The following TULP4 variants were observed in gnomAD, a reference collection of about 807,000 sequenced individuals.
TULP4 encodes the protein tubby-related protein 4.
Under a neutral mutation model 129.0 loss-of-function variants are expected in TULP4, and 16 were observed. That is an observed-to-expected ratio of 0.12 (90% CI 0.08 to 0.19). TULP4 has a LOEUF of 0.19. TULP4 is among the 10% of genes least tolerant of loss of function. The pLI, the probability that TULP4 is intolerant of heterozygous loss-of-function variation, is 1.00. For missense variants in TULP4, 1,842 were observed against 2,059.1 expected (o/e 0.89, Z 2.04); for synonymous variants, 998 against 854.0 (o/e 1.17, Z -2.94).
At chr6:158,325,349 G>A (rs1358852330) in intron 1 of TULP4, among the ~76,000 whole-genome samples, 1 of 90,608 alleles carries the variant, frequency 1.1e-5, no homozygotes, top group African/African-American at 3.8e-5. Flanking sequence ...TTGAGGAACA[G>A]CTTTTCTTTT....
At position 158,413,223 on chromosome 6, in the gene TULP4, A is replaced by C. The variant is rs1207269405; in HGVS notation, c.381+30A>C. 2 of 1,597,428 alleles carry C rather than the reference A, an allele frequency of 1.3e-6. No individual in the cohort carries two copies. The highest frequency in any genetic ancestry group is 2.7e-5 in the African/African-American group (2 of 74,674). Reference sequence around the variant, plus strand: ...GTGGCAGGCGCAGCTCTGCCAGTGAAGGGCTGCGGGGTAGAGGACTCCCAG... The same window carrying C: ...GTGGCAGGCGCAGCTCTGCCAGTGACGGGCTGCGGGGTAGAGGACTCCCAG... On this transcript the variant is annotated intron_variant, in intron 2 of 13. Transcript: ENST00000367097. The surrounding 1 kb of genome is among the most constrained non-coding windows in gnomAD (Gnocchi z 4.9).
At chr6:158,308,386 T>G (rs548168228), upstream of TULP4, among the ~76,000 whole-genome samples, 3 of 151,132 alleles carry the variant, frequency 2.0e-5, no homozygotes, top group East Asian at 2.0e-4. Context: ...AATGAAAAGT[T>G]TCCCATGTCT....
chr6:158,445,572 G>A (rs1779016874), intron 3 of TULP4, among the ~76,000 whole-genome samples: 3 of 152,182 alleles, frequency 2.0e-5, no homozygotes, highest in Admixed American at 2.0e-4. Flanking sequence ...CCAGAACCAA[G>A]TTCAGAATGC....
intron 1 of TULP4, among the ~76,000 whole-genome samples, chr6:158,359,834 A>G (rs569454922): frequency 6.6e-6 from 1 of 152,342 alleles, no homozygotes; most frequent in African/African-American, 2.4e-5. Flanking sequence ...TTCCCAGTTG[A>G]ATAGGCCTTG....
At chr6:158,488,688 A>G (rs1780123434) in intron 8 of TULP4, among the ~76,000 whole-genome samples, 1 of 152,102 alleles carries the variant, frequency 6.6e-6, no homozygotes, top group Admixed American at 6.6e-5. Context: ...GCTTTTATTT[A>G]TTACCTGGCA....
rs541593412 is a variant in TULP4, at chr6:158,444,137, A to G, written c.544-4859A>G. On this transcript the variant is annotated intron_variant, in intron 3 of 13. Transcript: ENST00000367097. ...CGGGAGGCTGAGGCAGGAGAATGGC[A>G]TGAACCTGGGAGGCAGAGGTTGCAG... 9.4e-4 allele frequency among the ~76,000 whole-genome samples: 128 copies of G among 136,078 alleles called. 2 individuals are homozygous for G. The South Asian group carries it at 0.015, about 16-fold the overall frequency. The allele number at this position is 136,078 out of a possible 152,430, so 89.3% of individuals were successfully genotyped here.
chr6:158,495,707 G>A (rs1780321534), intron 11 of TULP4, among the ~76,000 whole-genome samples: 1 of 152,090 alleles, frequency 6.6e-6, no homozygotes, highest in Admixed American at 6.5e-5. Context: ...TGGCATGGTG[G>A]TGCCTGCCTG....
At chr6:158,379,347 C>G (rs1777272210) in intron 1 of TULP4, among the ~76,000 whole-genome samples, 1 of 152,036 alleles carries the variant, frequency 6.6e-6, no homozygotes, top group Non-Finnish European at 1.5e-5. Flanking sequence ...TGAGGTAGGG[C>G]CAGTGAGGAT....
chr6:158,382,207 G>A (rs1365808162), intron 1 of TULP4, among the ~76,000 whole-genome samples: 9 of 152,244 alleles, frequency 5.9e-5, no homozygotes, highest in South Asian at 2.1e-4. Flanking sequence ...GCATCTGACT[G>A]ACCGACTGCT....
chr6:158,506,405 G>A (rs1024952380), intron 13 of TULP4, among the ~76,000 whole-genome samples, 173 bp from the exon 14 acceptor site: 2 of 151,702 alleles, frequency 1.3e-5, no homozygotes, highest in African/African-American at 4.8e-5. Flanking sequence ...CTAATTTTTT[G>A]TATTTTTAAT....
At chr6:158,464,097 C>A (rs1432225757) in intron 6 of TULP4, among the ~76,000 whole-genome samples, 1 of 152,176 alleles carries the variant, frequency 6.6e-6, no homozygotes, top group East Asian at 1.9e-4. Context: ...AAACCAAATT[C>A]TGTACAATAT....
At chr6:158,318,397 G>A (rs73015815) in intron 1 of TULP4, among the ~76,000 whole-genome samples, 5 of 152,226 alleles carry the variant, frequency 3.3e-5, no homozygotes, top group South Asian at 2.1e-4. Flanking sequence ...TGGGACTGTC[G>A]GTGTTAATAC....
intron 5 of TULP4, among the ~76,000 whole-genome samples, chr6:158,461,342 C>T (rs62438589): frequency 2.0e-5 from 3 of 149,092 alleles, no homozygotes; most frequent in African/African-American, 7.4e-5. Context: ...ACCCAGGAGG[C>T]GGAGGTTGCA....
intron 2 of TULP4, 69 bp from the exon 3 acceptor site, chr6:158,429,667 G>A: frequency 3.3e-6 from 5 of 1,525,760 alleles, no homozygotes; most frequent in Non-Finnish European, 4.5e-6. Flanking sequence ...TAATGACTAT[G>A]TCTAGACTTT....
intron 1 of TULP4, among the ~76,000 whole-genome samples, chr6:158,320,244 C>A (rs2128486310): frequency 6.6e-6 from 1 of 152,140 alleles, no homozygotes; most frequent in East Asian, 1.9e-4. Context: ...ATGAGTTTTT[C>A]TTTTAAAAGA....
intron 1 of TULP4, among the ~76,000 whole-genome samples, chr6:158,332,184 AAAAAAAAAAAAAAAAAATATATATATAT>A (rs1343961750): frequency 0.14 from 6,416 of 44,484 alleles, 299 homozygotes; most frequent in Non-Finnish European, 0.17. Context: ...AAAAAAAAAA[AAAAAAAAAAAAAAAAAATATATATATAT>A]ATATATATAT....
At chr6:158,490,602 C>T (rs540000062) in intron 9 of TULP4, among the ~76,000 whole-genome samples, 2 of 152,264 alleles carry the variant, frequency 1.3e-5, no homozygotes, top group African/African-American at 4.8e-5. Flanking sequence ...TGTACAAGGG[C>T]TATCCCAGTG....
chr6:158,313,639 C>A lies in TULP4; in HGVS notation c.-378C>A, dbSNP rs1779415333. The A allele has an allele frequency of 2.3e-6, 1 of 431,516 alleles. No individual in the cohort carries two copies. Among genetic ancestry groups the A allele is most frequent in the Admixed American group, 3.9e-5 (1 of 25,900 alleles). 26.7% of individuals were successfully genotyped at this position (431,516 alleles called of 1,614,324 possible). A position where few individuals can be genotyped will look rare whatever the true frequency, so the allele number is the denominator to read the frequency against. On this transcript the variant is annotated 5_prime_UTR_variant, in exon 1 of 14. In the 5' UTR this introduces an upstream ATG that the reference lacks. Coordinates refer to ENST00000367097, the MANE Select transcript of TULP4 (RefSeq NM_020245.5). ...TATTACACTAAACTGGAATCTCAGG[C>A]TGAATGAGAATAACCAAGTGGAGTA...
At chr6:158,366,274 C>T (rs1780962652) in intron 1 of TULP4, among the ~76,000 whole-genome samples, 1 of 152,162 alleles carries the variant, frequency 6.6e-6, no homozygotes, top group Non-Finnish European at 1.5e-5. Context: ...CTTAAGTGGA[C>T]TTCTTTGTCC....
Sources: gnomAD v4.1 joint callset for allele counts (sites outside exome capture counted in the v4.1 genomes callset) on GRCh38, gnomAD v4.1.1 for gene constraint, Gnocchi (gnomAD v3.1) non-coding constraint, MANE v1.5 for transcripts, NCBI Gene and HGNC (gene_info 2026-07-23, HGNC 2026-07-21) for gene names.